C10orf67: variants seen among roughly 807,000 people sequenced by gnomAD.
C10orf67 encodes uncharacterized protein C10orf67, mitochondrial.
C10orf67 carries 60 observed loss-of-function variants against 35.6 expected under a neutral mutation model. That is an observed-to-expected ratio of 1.68 (90% CI 1.37 to 2.09). The LOEUF is 2.09. Among genes scored for constraint, C10orf67 ranks in the 30% most tolerant of loss-of-function variants. C10orf67 has a pLI of 0.00. For missense variants in C10orf67, 474 were observed against 330.2 expected (o/e 1.44, Z -3.38); for synonymous variants, 167 against 115.8 (o/e 1.44, Z -2.84).
intron 8 of C10orf67, among the ~76,000 whole-genome samples, chr10:23,280,192 C>A (rs1843329557): frequency 6.6e-6 from 1 of 152,138 alleles, no homozygotes; most frequent in African/African-American, 2.4e-5. Flanking sequence ...TCTTTACTAC[C>A]AGTTCTTTGA....
At chr10:23,318,753 T>G (rs1844832046) in intron 4 of C10orf67, 1 of 634,394 alleles carries the variant, frequency 1.6e-6, no homozygotes, top group Non-Finnish European at 2.9e-6. Flanking sequence ...AACAGTGGCT[T>G]AGACACTGAG....
At chr10:23,238,356 C>T (rs1177458017) in intron 13 of C10orf67, among the ~76,000 whole-genome samples, 1 of 152,198 alleles carries the variant, frequency 6.6e-6, no homozygotes, top group African/African-American at 2.4e-5. Context: ...ATGAGTATCT[C>T]ATGTGTCAAC....
intron 12 of C10orf67, among the ~76,000 whole-genome samples, chr10:23,242,129 G>A (rs527538659): frequency 4.6e-5 from 7 of 151,930 alleles, no homozygotes; most frequent in Admixed American, 1.3e-4. Context: ...CTGCCACCAC[G>A]CCCAGCTTAT....
At chr10:23,294,449 T>C (rs144944660) in intron 5 of C10orf67, among the ~76,000 whole-genome samples, 6 of 152,138 alleles carry the variant, frequency 3.9e-5, no homozygotes, top group African/African-American at 7.2e-5. Flanking sequence ...TAACCTCCTT[T>C]ATAAATTCTC....
chr10:23,285,127 C>T (rs1397884457), intron 7 of C10orf67, among the ~76,000 whole-genome samples: 1 of 152,060 alleles, frequency 6.6e-6, no homozygotes, highest in Admixed American at 6.6e-5. Flanking sequence ...TCATTCAGTC[C>T]ACACAGTACG....
At chr10:23,208,815 G>T (rs147578218) in intron 15 of C10orf67, among the ~76,000 whole-genome samples, 7 of 152,090 alleles carry the variant, frequency 4.6e-5, no homozygotes, top group Non-Finnish European at 4.4e-5. Flanking sequence ...TGACCCCAGC[G>T]GAGACTTGAA....
At chr10:23,281,881 G>A (rs867367303) in intron 8 of C10orf67, 132 bp downstream of exon 8, 1 of 408,348 alleles carries the variant, frequency 2.4e-6, no homozygotes, top group Middle Eastern at 3.7e-4. Flanking sequence ...AATTTTACAT[G>A]TACTTAGATT....
At position 23,236,181 on chromosome 10, in the gene C10orf67, G is replaced by A. The variant is rs529277889; in HGVS notation, c.1434+3548C>T. 9.3e-5 allele frequency among the ~76,000 whole-genome samples: 14 copies of A among 150,218 alleles called. No individual in the cohort carries two copies. The East Asian group carries it at 9.9e-4, about 11-fold the overall frequency. On this transcript the variant is annotated intron_variant, in intron 13 of 15. Transcript: ENST00000636213. ...GGAGAATGGTGTGAACCCGGGAGGCGGAGCTTGCAGTGAGCTGAGATTGCG... is the reference window on the plus strand; with the variant it reads ...GGAGAATGGTGTGAACCCGGGAGGCAGAGCTTGCAGTGAGCTGAGATTGCG...
intron 13 of C10orf67, among the ~76,000 whole-genome samples, chr10:23,225,118 A>G (rs1188890344): frequency 6.6e-6 from 1 of 152,238 alleles, no homozygotes; most frequent in Non-Finnish European, 1.5e-5. Flanking sequence ...GCAGTCAGAG[A>G]GAAAGGTCGG....
At chr10:23,240,033 A>G (rs1842142839) in intron 12 of C10orf67, among the ~76,000 whole-genome samples, 1 of 152,152 alleles carries the variant, frequency 6.6e-6, no homozygotes, top group East Asian at 1.9e-4. Context: ...AACAATAAAA[A>G]AAAAATAACC....
chr10:23,296,469 C>T (rs1325345216), intron 5 of C10orf67, among the ~76,000 whole-genome samples: 1 of 152,202 alleles, frequency 6.6e-6, no homozygotes, highest in Non-Finnish European at 1.5e-5. Flanking sequence ...CGGTCACCTT[C>T]CCAGCTAGGC....
intron 12 of C10orf67, among the ~76,000 whole-genome samples, chr10:23,248,710 G>A (rs112410102): frequency 4.6e-5 from 7 of 152,082 alleles, no homozygotes; most frequent in South Asian, 2.1e-4. Flanking sequence ...AAATGCACTC[G>A]CTACGGTGCT....
chr10:23,218,540 A>C (rs1043785484), intron 15 of C10orf67, among the ~76,000 whole-genome samples: 37 of 152,302 alleles, frequency 2.4e-4, no homozygotes, highest in African/African-American at 8.7e-4. Context: ...AGCAAGGGAA[A>C]TTCCTAAGAA....
At chr10:23,270,199 A>G (rs1480315720) in intron 8 of C10orf67, among the ~76,000 whole-genome samples, 1 of 152,196 alleles carries the variant, frequency 6.6e-6, no homozygotes, top group Non-Finnish European at 1.5e-5. Context: ...ACTGGGACCA[A>G]CTAGGCAGAC....
chr10:23,320,859 A>G (rs1271459773), intron 3 of C10orf67, 44 bp from the exon 4 acceptor site: 1 of 1,322,850 alleles, frequency 7.6e-7, no homozygotes, highest in Non-Finnish European at 1.1e-6. Flanking sequence ...ATGTATTTCC[A>G]AATATGACCC....
chr10:23,291,571 G>A (rs548145313), intron 5 of C10orf67, among the ~76,000 whole-genome samples: 7 of 152,228 alleles, frequency 4.6e-5, no homozygotes, highest in Non-Finnish European at 8.8e-5. Context: ...GGCTGTGTCC[G>A]GGGAGGCAGC....
At chr10:23,338,912 T>C (rs1331043298) in intron 1 of C10orf67, among the ~76,000 whole-genome samples, 2 of 152,056 alleles carry the variant, frequency 1.3e-5, no homozygotes, top group African/African-American at 2.4e-5. Context: ...CTGCCAGCAA[T>C]ATTTGGGAGA....
Position 23,247,470 on chromosome 10 carries a change from G to T in C10orf67, c.1346+2985C>A, listed in dbSNP as rs189858136. 3.3e-5 allele frequency among the ~76,000 whole-genome samples: 5 copies of T among 152,272 alleles called. No homozygotes were observed. The East Asian group carries it at 7.7e-4, about 24-fold the overall frequency. On this transcript the variant is annotated intron_variant, in intron 12 of 15. Coordinates refer to ENST00000636213, the MANE Select transcript of C10orf67 (RefSeq NM_001371909.1). Reference sequence around the variant, plus strand: ...CTATACCATATAGCCTAGGTGTGTGGTAGGCTATGCCATCTAGGTTTGTAA... The same window carrying T: ...CTATACCATATAGCCTAGGTGTGTGTTAGGCTATGCCATCTAGGTTTGTAA...
intron 12 of C10orf67, among the ~76,000 whole-genome samples, chr10:23,241,712 A>G (rs1367952914): frequency 6.6e-6 from 1 of 152,202 alleles, no homozygotes; most frequent in African/African-American, 2.4e-5. Flanking sequence ...AGAGTAGATA[A>G]GAATGAAGCA....
Sources: allele counts gnomAD v4.1 joint callset (sites outside exome capture counted in the v4.1 genomes callset), GRCh38; gene constraint gnomAD v4.1.1; transcripts MANE v1.5; gene names NCBI Gene and HGNC (gene_info 2026-07-23, HGNC 2026-07-21).